Variants in PLXNA4 observed in about 807,000 individuals in gnomAD.
The protein encoded by PLXNA4 is plexin-A4.
Under a neutral mutation model 191.8 loss-of-function variants are expected in PLXNA4, and 44 were observed. The observed-to-expected ratio is 0.23, with a 90% CI of 0.18 to 0.29. The LOEUF is 0.29. Ranked by LOEUF, PLXNA4 falls within the 10% of genes least tolerant of loss-of-function variation. The probability of loss-of-function intolerance (pLI) is 1.00; values close to 1 mark genes in which losing one functional copy is unlikely to be tolerated. For synonymous variants in PLXNA4, 1,082 were observed against 1,009.5 expected (o/e 1.07, Z -1.36); for missense variants, 1,800 against 2,488.8 (o/e 0.72, Z 5.89).
In PLXNA4 at chr7:132,128,123, T is replaced by A. The variant is rs1794827818; in HGVS notation, c.*2356A>T. 6.6e-6 allele frequency: 1 copy of A among 152,108 alleles called. No homozygotes were observed. The highest frequency in any genetic ancestry group is 1.5e-5 in the Non-Finnish European group (1 of 68,018). 9.4% of individuals were successfully genotyped at this position (152,108 alleles called of 1,614,324 possible). On this transcript the variant is annotated 3_prime_UTR_variant, in exon 32 of 32. Coordinates refer to ENST00000321063, the MANE Select transcript of PLXNA4 (RefSeq NM_020911.2). Reference sequence around the variant, plus strand: ...CAACCCTTTATATGTGCAAAAATATTGTAGTGACCGAGGTACTTCCTCAGA... The same window carrying A: ...CAACCCTTTATATGTGCAAAAATATAGTAGTGACCGAGGTACTTCCTCAGA...
At chr7:132,306,298 G>A (rs1051129260) in intron 3 of PLXNA4, among the ~76,000 whole-genome samples, 1 of 152,190 alleles carries the variant, frequency 6.6e-6, no homozygotes. Context: ...GGATAGGTGA[G>A]GAGCCGAAGG....
At position 132,241,156 on chromosome 7, in the gene PLXNA4, A is replaced by G. The variant is rs1179458847; in HGVS notation, c.1514T>C (p.Val505Ala). ...ATACTGACCACAGGACTCCACAGGGACTCTGGTGAGCTAGGACAGCAGGAT... is the reference window on the plus strand; with the variant it reads ...ATACTGACCACAGGACTCCACAGGGGCTCTGGTGAGCTAGGACAGCAGGAT... Reference protein sequence around the residue: ...YIMSERQLTRVPVESCGQYQS... With the variant: ...YIMSERQLTRAPVESCGQYQS... The change falls in exon 5 of 32, where the codon GTC becomes GCC. Residue 505 changes from valine (V) to alanine (A), a missense_variant. Val to Ala is a moderately conservative substitution (Grantham distance 64, BLOSUM62 0). Around this residue, in one of 6 missense-constraint regions of PLXNA4, gnomAD observed 1,397 missense variants for 1,880.4 expected, o/e 0.74. Coordinates refer to ENST00000321063, the MANE Select transcript of PLXNA4 (RefSeq NM_020911.2). 6.2e-7 allele frequency: 1 copy of G among 1,611,408 alleles called. No individual in the cohort carries two copies. Among genetic ancestry groups the G allele is most frequent in the African/African-American group, 1.3e-5 (1 of 74,874 alleles).
intron 4 of PLXNA4, among the ~76,000 whole-genome samples, chr7:132,284,640 G>A (rs1401869823): frequency 2.6e-5 from 4 of 152,192 alleles, no homozygotes; most frequent in African/African-American, 9.7e-5. Flanking sequence ...TGAGGCCAGA[G>A]CCAACCAGGA....
At chr7:132,604,025 C>A (rs1802872324) in intron 2 of PLXNA4, among the ~76,000 whole-genome samples, 1 of 152,174 alleles carries the variant, frequency 6.6e-6, no homozygotes, top group African/African-American at 2.4e-5. Context: ...GCCTAGCAGA[C>A]TATCCAATTG....
In PLXNA4 at chr7:132,540,569, CTTTTTTTTTTTT is replaced by C. The variant is rs71915138; in HGVS notation, c.-86-31802_-86-31791del. Among the ~76,000 whole-genome samples, 13 of 61,008 alleles carry C rather than the reference CTTTTTTTTTTTT, an allele frequency of 2.1e-4. 1 individual carries two copies. In the South Asian group the frequency reaches 6.3e-3, roughly 30 times the overall value. The allele number at this position is 61,008 out of a possible 152,430, so 40.0% of individuals were successfully genotyped here. ...AGCAGAAGGTGTAGTGTGGACCGTT[CTTTTTTTTTTTT>C]TTTTTTTTTTTTTTTTTGAGACGGA... is the stretch of plus-strand genomic sequence containing the variant. On this transcript the variant is annotated intron_variant, in intron 1 of 31. Coordinates refer to ENST00000321063, the MANE Select transcript of PLXNA4 (RefSeq NM_020911.2).
intron 3 of PLXNA4, among the ~76,000 whole-genome samples, chr7:132,322,466 A>C (rs953735477): frequency 6.6e-6 from 1 of 152,170 alleles, no homozygotes; most frequent in African/African-American, 2.4e-5. Flanking sequence ...TACAGGCGTG[A>C]GCCACCGTGC....
Position 132,168,435 on chromosome 7 carries a change from G to A in PLXNA4, c.4155C>T (p.Asn1385=), listed in dbSNP as rs762652396. 7.4e-6 allele frequency: 12 copies of A among 1,614,050 alleles called. No individual in the cohort carries two copies. Among genetic ancestry groups the A allele is most frequent in the East Asian group, 4.5e-5 (2 of 44,870 alleles). Residue 1385 remains asparagine (N), a synonymous_variant, in exon 22 of 32, where the codon AAC becomes AAT. Coordinates refer to ENST00000321063, the MANE Select transcript of PLXNA4 (RefSeq NM_020911.2). ...QRSFSMRDRG[N]VASLIMTVLQ... is the part of the protein sequence containing the mutation. ...GCACGGTCATGATGAGTGAGGCCAC[G>A]TTGCCACGGTCGCGCATGGAGAAGC...
At chr7:132,599,502 T>C (rs1213464668) in intron 2 of PLXNA4, among the ~76,000 whole-genome samples, 1 of 152,204 alleles carries the variant, frequency 6.6e-6, no homozygotes, top group Non-Finnish European at 1.5e-5. Flanking sequence ...ACACTCTATT[T>C]TTAAATATTT....
At chr7:132,221,695 A>G (rs116876692) in intron 9 of PLXNA4, among the ~76,000 whole-genome samples, 367 of 152,324 alleles carry the variant, frequency 2.4e-3, no homozygotes, top group Middle Eastern at 0.014. Context: ...ACTCTTACAT[A>G]AAATCCAAGA....
At chr7:132,252,299 GTTTTTTTTTTTTTTTTT>G (rs71178032) in intron 4 of PLXNA4, among the ~76,000 whole-genome samples, 2 of 75,342 alleles carry the variant, frequency 2.7e-5, no homozygotes, top group East Asian at 5.1e-4. Context: ...CATTCTAAAA[GTTTTTTTTTTTTTTTTT>G]TTTTTTTTTT....
At chr7:132,507,472 A>G (rs156960) in intron 2 of PLXNA4, 34 bp downstream of exon 2, 600,683 of 1,568,256 alleles carry the variant, frequency 0.38, 116,448 homozygotes, top group African/African-American at 0.48. Context: ...CTACACTCCC[A>G]ACCATCCCAG....
At chr7:132,172,568 G>A (rs1433101949) in intron 21 of PLXNA4, among the ~76,000 whole-genome samples, 2 of 128,836 alleles carry the variant, frequency 1.6e-5, no homozygotes, top group Non-Finnish European at 3.0e-5. Context: ...ACTACTCCAG[G>A]GGCAAGAAGG....
chr7:132,233,297 G>A (rs1798585289), intron 5 of PLXNA4, among the ~76,000 whole-genome samples: 1 of 152,202 alleles, frequency 6.6e-6, no homozygotes, highest in African/African-American at 2.4e-5. Flanking sequence ...ATGGATAGAT[G>A]CATATGTGTG....
At chr7:132,286,748 A>T (rs749171581) in intron 4 of PLXNA4, among the ~76,000 whole-genome samples, 1 of 152,194 alleles carries the variant, frequency 6.6e-6, no homozygotes, top group Non-Finnish European at 1.5e-5. Flanking sequence ...GTTGGACTCA[A>T]ATGGATTCAG....
At chr7:132,250,355 T>A (rs764210630) in intron 4 of PLXNA4, among the ~76,000 whole-genome samples, 2 of 152,228 alleles carry the variant, frequency 1.3e-5, no homozygotes, top group African/African-American at 4.8e-5. Flanking sequence ...AATGCTTGCA[T>A]GCACGCATAA....
chr7:132,489,694 G>A (rs909081241), intron 2 of PLXNA4, among the ~76,000 whole-genome samples: 4 of 152,080 alleles, frequency 2.6e-5, no homozygotes, highest in Admixed American at 6.5e-5. Flanking sequence ...ACACAGGTCC[G>A]CAGGTCTCCT....
chr7:132,194,543 T>C (rs1797194063), intron 13 of PLXNA4, among the ~76,000 whole-genome samples: 1 of 152,190 alleles, frequency 6.6e-6, no homozygotes. Flanking sequence ...GCAAAGCCAC[T>C]TACCCAAGGG....
chr7:132,283,667 A>G (rs975167283), intron 4 of PLXNA4, among the ~76,000 whole-genome samples: 7 of 152,230 alleles, frequency 4.6e-5, no homozygotes, highest in Non-Finnish European at 8.8e-5. Context: ...AGGTAGAGGA[A>G]ACCAGGAGAG....
At chr7:132,175,270 G>C (rs980760974) in intron 20 of PLXNA4, among the ~76,000 whole-genome samples, 1 of 152,144 alleles carries the variant, frequency 6.6e-6, no homozygotes, top group Non-Finnish European at 1.5e-5. Context: ...AAATATGCTG[G>C]GGAGGGGGAT....
Sources: gnomAD v4.1 joint callset for allele counts (sites outside exome capture counted in the v4.1 genomes callset) on GRCh38, gnomAD v4.1.1 for gene constraint, gnomAD v4.1.1 regional missense constraint, MANE v1.5 for transcripts, NCBI Gene and HGNC (gene_info 2026-07-23, HGNC 2026-07-21) for gene names.